MCF2L: variants seen among roughly 807,000 people sequenced by gnomAD.
MCF2L encodes MCF.2 cell line derived transforming sequence like.
A neutral mutation model predicts 153.4 loss-of-function variants in MCF2L; 97 were observed. The ratio of observed to expected loss-of-function variants is 0.63; its 90% CI spans 0.54 to 0.75. MCF2L has a LOEUF of 0.75. Among genes scored for constraint, MCF2L ranks in the 30% least tolerant of loss-of-function variants. The pLI, the probability that MCF2L is intolerant of heterozygous loss-of-function variation, is 0.00. For missense variants in MCF2L, 1,347 were observed against 1,495.2 expected (o/e 0.90, Z 1.64); for synonymous variants, 659 against 632.2 (o/e 1.04, Z -0.64).
Position 112,993,629 on chromosome 13 carries a change from G to A in MCF2L, c.80-21134G>A, listed in dbSNP as rs1175626110. Among the ~76,000 whole-genome samples the A allele has an allele frequency of 6.6e-6, 1 of 152,114 alleles. No individual in the cohort carries two copies. The highest frequency in any genetic ancestry group is 1.5e-5 in the Non-Finnish European group (1 of 68,028). ...ACGGGGCTTAGGGATGTTTCTTGGAGAGAGGGAGCGAGAAGTCATCGTCAA... is the reference window on the plus strand; with the variant it reads ...ACGGGGCTTAGGGATGTTTCTTGGAAAGAGGGAGCGAGAAGTCATCGTCAA... On this transcript the variant is annotated intron_variant, in intron 1 of 29. Coordinates refer to ENST00000535094, the MANE Select transcript of MCF2L (RefSeq NM_001112732.3). This position sits in a 1 kb window ranked among gnomAD's most constrained non-coding sequence, Gnocchi z 4.6.
chr13:113,064,765 G>A lies in MCF2L; in HGVS notation c.607-171G>A. Reference sequence around the variant, plus strand: ...TGTAGAGTGTGCCTGGTATGTTTCTGAAGAGGTCAAGGAGGGCAGGACGCT... The same window carrying A: ...TGTAGAGTGTGCCTGGTATGTTTCTAAAGAGGTCAAGGAGGGCAGGACGCT... On this transcript the variant is annotated intron_variant, in intron 6 of 29. Transcript: ENST00000535094. The surrounding 1 kb of genome is among the most constrained non-coding windows in gnomAD (Gnocchi z 6.0). 1.5e-6 allele frequency: 1 copy of A among 676,694 alleles called. No homozygotes were observed. Among genetic ancestry groups the A allele is most frequent in the Non-Finnish European group, 2.5e-6 (1 of 406,302 alleles). 41.9% of individuals were successfully genotyped at this position (676,694 alleles called of 1,614,324 possible).
chr13:112,990,007 C>T (rs543191072), intron 1 of MCF2L, among the ~76,000 whole-genome samples: 6 of 152,348 alleles, frequency 3.9e-5, no homozygotes, highest in South Asian at 4.1e-4. Context: ...GAGAATCAAA[C>T]GCCACTGCTG....
chr13:112,902,654 G>T (rs1400406989), intron 2 of MCF2L, among the ~76,000 whole-genome samples: 4 of 152,230 alleles, frequency 2.6e-5, no homozygotes, highest in African/African-American at 9.6e-5. Flanking sequence ...TTTGGCTCCG[G>T]TTAGAGATCA....
At chr13:113,069,477 G>C (rs2032631512) in intron 8 of MCF2L, among the ~76,000 whole-genome samples, 1 of 66,460 alleles carries the variant, frequency 1.5e-5, no homozygotes, top group South Asian at 6.1e-4. Flanking sequence ...GCAGTGAGCC[G>C]AGATTGCACC....
chr13:113,090,689 G>T, intron 26 of MCF2L: 3 of 985,494 alleles, frequency 3.0e-6, no homozygotes, highest in Non-Finnish European at 3.6e-6. Context: ...CGGCCCTGGC[G>T]TGCAGGCGGC....
intron 2 of MCF2L, among the ~76,000 whole-genome samples, chr13:113,022,811 G>A (rs2141269144): frequency 6.6e-6 from 1 of 152,368 alleles, no homozygotes; most frequent in African/African-American, 2.4e-5. Flanking sequence ...TACTCGCACA[G>A]GAGGACACAG....
chr13:112,966,393 C>G (rs1456488992), upstream of MCF2L, among the ~76,000 whole-genome samples: 1 of 152,182 alleles, frequency 6.6e-6, no homozygotes, highest in Admixed American at 6.5e-5. This position sits in a 1 kb window ranked among gnomAD's most constrained non-coding sequence, Gnocchi z 4.1. Context: ...CTCAGGGAAC[C>G]TCTGTCTTTT....
chr13:113,088,793 A>C (rs1187424110), intron 25 of MCF2L, among the ~76,000 whole-genome samples, 165 bp downstream of exon 25: 3 of 152,182 alleles, frequency 2.0e-5, no homozygotes, highest in Non-Finnish European at 4.4e-5. Flanking sequence ...CAGAGGGTGT[A>C]CTTCACAGAT....
At chr13:112,991,408 G>A (rs528323002) in intron 1 of MCF2L, among the ~76,000 whole-genome samples, 87 of 151,756 alleles carry the variant, frequency 5.7e-4, no homozygotes, top group African/African-American at 2.0e-3. Flanking sequence ...TTTGGGGGGT[G>A]TCTCTGAGGA....
intron 1 of MCF2L, among the ~76,000 whole-genome samples, chr13:112,971,028 A>G (rs916840879): frequency 6.6e-6 from 1 of 152,196 alleles, no homozygotes; most frequent in Non-Finnish European, 1.5e-5. Context: ...GTGACCCTGC[A>G]TCATACTCCA....
intron 1 of MCF2L, among the ~76,000 whole-genome samples, chr13:112,971,478 C>G (rs2082037383): frequency 6.6e-6 from 1 of 152,186 alleles, no homozygotes; most frequent in African/African-American, 2.4e-5. Flanking sequence ...CGTACAGCGG[C>G]TGGCCTTAGA....
At chr13:112,914,235 C>T (rs559223143) in intron 2 of MCF2L, among the ~76,000 whole-genome samples, 9 of 152,310 alleles carry the variant, frequency 5.9e-5, no homozygotes, top group African/African-American at 1.9e-4. Context: ...TTGCCATGTG[C>T]GAGCTGAGAC....
chr13:112,997,897 C>T (rs2083205317), intron 1 of MCF2L, among the ~76,000 whole-genome samples: 1 of 152,254 alleles, frequency 6.6e-6, no homozygotes, highest in African/African-American at 2.4e-5. Flanking sequence ...CAGGGAGCAC[C>T]TTCCTGTTTA....
chr13:112,972,131 C>G (rs1202068352), intron 1 of MCF2L, among the ~76,000 whole-genome samples: 1 of 152,188 alleles, frequency 6.6e-6, no homozygotes, highest in African/African-American at 2.4e-5. Context: ...ATCTTTAAAT[C>G]TAGCCCCACC....
At position 112,975,630 on chromosome 13, in the gene MCF2L, G is replaced by C. The variant is rs1383121240; in HGVS notation, c.79+6172G>C. 2.6e-5 allele frequency among the ~76,000 whole-genome samples: 4 copies of C among 152,280 alleles called. No individual in the cohort carries two copies. In the East Asian group the frequency reaches 5.8e-4, roughly 22 times the overall value. On this transcript the variant is annotated intron_variant, in intron 1 of 29. Transcript: ENST00000535094. Reference sequence around the variant, plus strand: ...CGCCATGAGCACCTGTGCACAGCAGGGAGCCGCTGCCGTGGTCATCCTCAG... The same window carrying C: ...CGCCATGAGCACCTGTGCACAGCAGCGAGCCGCTGCCGTGGTCATCCTCAG...
intron 1 of MCF2L, among the ~76,000 whole-genome samples, chr13:112,899,162 C>T (rs1025426547): frequency 5.9e-5 from 9 of 152,236 alleles, no homozygotes; most frequent in Admixed American, 4.6e-4. Flanking sequence ...TTGGTGCTTC[C>T]GTGGGGCTGG....
intron 1 of MCF2L, among the ~76,000 whole-genome samples, chr13:113,004,753 G>T (rs1026177529): frequency 2.6e-5 from 4 of 152,236 alleles, no homozygotes; most frequent in Non-Finnish European, 5.9e-5. Context: ...GCAGCCGCTG[G>T]CCCACGTGTG....
Position 112,979,388 on chromosome 13 carries a change from C to A in MCF2L, c.79+9930C>A, listed in dbSNP as rs941508838. Reference sequence around the variant, plus strand: ...GGCATTGTCTGCCTGCTCTTCCAGGCGTGCAGGGCAGTGGTGGCTCGGGCC... The same window carrying A: ...GGCATTGTCTGCCTGCTCTTCCAGGAGTGCAGGGCAGTGGTGGCTCGGGCC... On this transcript the variant is annotated intron_variant, in intron 1 of 29. Coordinates refer to ENST00000535094, the MANE Select transcript of MCF2L (RefSeq NM_001112732.3). The A allele has an allele frequency of 4.4e-6, 6 of 1,354,824 alleles. No individual in the cohort carries two copies. In the African/African-American group the frequency reaches 7.6e-5, roughly 17 times the overall value. The allele number at this position is 1,354,824 out of a possible 1,614,324, so 83.9% of individuals were successfully genotyped here.
intron 1 of MCF2L, among the ~76,000 whole-genome samples, chr13:112,982,448 A>G (rs1277393496): frequency 1.3e-5 from 2 of 152,196 alleles, no homozygotes; most frequent in Non-Finnish European, 2.9e-5. Context: ...GAGCGAGCCC[A>G]GGCTCCGTGG....
Sources: gnomAD v4.1 joint callset for allele counts (sites outside exome capture counted in the v4.1 genomes callset) on GRCh38, gnomAD v4.1.1 for gene constraint, Gnocchi (gnomAD v3.1) non-coding constraint, MANE v1.5 for transcripts, NCBI Gene and HGNC (gene_info 2026-07-23, HGNC 2026-07-21) for gene names.